The following INTS9 variants were observed in gnomAD, a reference collection of about 807,000 sequenced individuals.
The protein encoded by INTS9 is integrator complex subunit 9.
A neutral mutation model predicts 79.7 loss-of-function variants in INTS9; 55 were observed. The ratio of observed to expected loss-of-function variants is 0.69; its 90% CI spans 0.56 to 0.86. The LOEUF (loss-of-function observed/expected upper bound fraction) is 0.86. INTS9 is among the 40% of genes least tolerant of loss of function. INTS9 has a pLI of 0.00. For missense variants in INTS9, 721 were observed against 831.5 expected (o/e 0.87, Z 1.64); for synonymous variants, 319 against 325.2 (o/e 0.98, Z 0.20).
intron 6 of INTS9, among the ~76,000 whole-genome samples, chr8:28,820,114 A>G (rs1445147737): frequency 6.6e-6 from 1 of 152,170 alleles, no homozygotes; most frequent in Non-Finnish European, 1.5e-5. Context: ...CCAATTTGCC[A>G]GTCTGTGTCT....
chr8:28,888,239 T>C (rs952479171), intron 1 of INTS9, among the ~76,000 whole-genome samples: 1 of 152,150 alleles, frequency 6.6e-6, no homozygotes, highest in African/African-American at 2.4e-5. Flanking sequence ...ACGCCTCTAT[T>C]TCACCATGAA....
intron 13 of INTS9, chr8:28,776,277 CTT>C (rs1802873829): frequency 1.1e-5 from 2 of 183,908 alleles, no homozygotes; most frequent in Non-Finnish European, 2.3e-5. Context: ...ATTATAAGCT[CTT>C]GGCTGATTAC....
Position 28,819,409 on chromosome 8 carries a change from T to C in INTS9, c.489-5797A>G, listed in dbSNP as rs1183748432. 3.9e-5 allele frequency among the ~76,000 whole-genome samples: 6 copies of C among 152,344 alleles called. No individual in the cohort carries two copies. The South Asian group carries it at 6.2e-4, about 16-fold the overall frequency. On this transcript the variant is annotated intron_variant, in intron 6 of 16. Transcript: ENST00000521022. ...TTATTTCTGCCTTCATTTCATTATG[T>C]ACCCAGTAGTCATTCAGGAGCAGGT...
chr8:28,834,667 C>A (rs1026080830), intron 6 of INTS9, among the ~76,000 whole-genome samples: 1 of 147,040 alleles, frequency 6.8e-6, no homozygotes, highest in Non-Finnish European at 1.5e-5. Context: ...GCACTGGGGG[C>A]AAACATCTGT....
At chr8:28,867,317 G>A (rs991708732) in intron 1 of INTS9, among the ~76,000 whole-genome samples, 4 of 152,132 alleles carry the variant, frequency 2.6e-5, no homozygotes, top group African/African-American at 9.7e-5. Context: ...TACTTGGGAA[G>A]CTGAGGCAGG....
chr8:28,834,654 AC>A (rs1206969274), intron 6 of INTS9, among the ~76,000 whole-genome samples: 1 of 150,214 alleles, frequency 6.7e-6, no homozygotes, highest in Non-Finnish European at 1.5e-5. Context: ...CTGAGTGCCT[AC>A]AGCACTGGGG....
chr8:28,768,012 C>T lies in INTS9; in HGVS notation c.*134G>A, dbSNP rs1563233570. ...AGTCCAGACCATTTCCCTCAAGAGC[C>T]ACCTCTTCACTCCTTAAGCCAGAGG... is the stretch of plus-strand genomic sequence containing the variant. On this transcript the variant is annotated 3_prime_UTR_variant, in exon 17 of 17. Coordinates refer to ENST00000521022, the MANE Select transcript of INTS9 (RefSeq NM_018250.4). 5.1e-6 allele frequency: 4 copies of T among 781,408 alleles called. No individual in the cohort carries two copies. The highest frequency in any genetic ancestry group is 8.6e-6 in the Non-Finnish European group (4 of 465,586). 48.4% of individuals were successfully genotyped at this position (781,408 alleles called of 1,614,324 possible). A position where few individuals can be genotyped will look rare whatever the true frequency, so the allele number is the denominator to read the frequency against.
chr8:28,884,491 T>G (rs1486973404), intron 1 of INTS9, among the ~76,000 whole-genome samples: 1 of 152,118 alleles, frequency 6.6e-6, no homozygotes, highest in Non-Finnish European at 1.5e-5. Flanking sequence ...GCCCGATATA[T>G]TTTTTTGCCT....
At chr8:28,854,821 T>A (rs1442630774) in intron 2 of INTS9, among the ~76,000 whole-genome samples, 1 of 152,180 alleles carries the variant, frequency 6.6e-6, no homozygotes, top group Non-Finnish European at 1.5e-5. Flanking sequence ...AAGGGGAAAC[T>A]GAGGGCAGGG....
chr8:28,819,590 G>A (rs551658216), intron 6 of INTS9, among the ~76,000 whole-genome samples: 59 of 152,244 alleles, frequency 3.9e-4, no homozygotes, highest in African/African-American at 1.2e-3. Flanking sequence ...GTCAATTTTC[G>A]AATAGGTGTG....
At chr8:28,864,222 A>T (rs1052999414) in intron 1 of INTS9, among the ~76,000 whole-genome samples, 4 of 152,228 alleles carry the variant, frequency 2.6e-5, no homozygotes, top group African/African-American at 9.7e-5. Flanking sequence ...CACACAACAG[A>T]TGCCAGAAGA....
chr8:28,864,479 A>G (rs1355616595), intron 1 of INTS9, among the ~76,000 whole-genome samples: 1 of 152,258 alleles, frequency 6.6e-6, no homozygotes, highest in Non-Finnish European at 1.5e-5. Context: ...TTGTTAAATA[A>G]TAAGTATTTT....
Position 28,768,273 on chromosome 8 carries a change from A to G in INTS9, c.1850T>C (p.Val617Ala). 1 of 1,614,090 alleles carries G rather than the reference A, an allele frequency of 6.2e-7. No individual in the cohort carries two copies. The highest frequency in any genetic ancestry group is 1.1e-5 in the South Asian group (1 of 91,082). The change falls in exon 17 of 17, where the codon GTC becomes GCC. Residue 617 changes from valine (V) to alanine (A), a missense_variant. Physicochemically the swap from Val to Ala is moderately conservative, Grantham distance 64 (BLOSUM62 0). Transcript: ENST00000521022. ...KVEDTAKGHI[V>A]LLQEAETLIQ... is the part of the protein sequence containing the mutation. ...GAGCGTCTCAGCCTCCTGGAGCAGG[A>G]CGATATGGCCCTTGGCTGTGTCCTC...
intron 10 of INTS9, among the ~76,000 whole-genome samples, chr8:28,788,407 TTC>T (rs949384817): frequency 1.3e-5 from 2 of 152,200 alleles, no homozygotes; most frequent in African/African-American, 4.8e-5. Flanking sequence ...GAGACATGGC[TTC>T]TGTTTTTGTC....
chr8:28,835,667 C>T (rs7841303), intron 5 of INTS9, among the ~76,000 whole-genome samples: 78,331 of 151,988 alleles, frequency 0.52, 22,470 homozygotes, highest in Non-Finnish European at 0.65. Flanking sequence ...ATCCACAAGC[C>T]TGTTTTAACT....
At chr8:28,869,423 A>G (rs1412718121) in intron 1 of INTS9, among the ~76,000 whole-genome samples, 1 of 152,168 alleles carries the variant, frequency 6.6e-6, no homozygotes, top group Non-Finnish European at 1.5e-5. Context: ...ACATCCAAGT[A>G]TAAACATTCG....
intron 6 of INTS9, among the ~76,000 whole-genome samples, chr8:28,833,175 C>T (rs1806599438): frequency 6.6e-6 from 1 of 152,100 alleles, no homozygotes; most frequent in African/African-American, 2.4e-5. Flanking sequence ...TATTTATATT[C>T]TAATCAAAAG....
intron 8 of INTS9, among the ~76,000 whole-genome samples, chr8:28,806,745 GAAAC>G (rs892234748): frequency 6.6e-6 from 1 of 152,148 alleles, no homozygotes; most frequent in Non-Finnish European, 1.5e-5. Context: ...GGATGGACTA[GAAAC>G]AAACAATTAT....
At chr8:28,772,328 A>G (rs1036905902) in intron 14 of INTS9, among the ~76,000 whole-genome samples, 9 of 152,218 alleles carry the variant, frequency 5.9e-5, no homozygotes, top group African/African-American at 2.2e-4. Context: ...AGCCTGGCCA[A>G]TATGGTGAAA....
Sources: allele counts gnomAD v4.1 joint callset (sites outside exome capture counted in the v4.1 genomes callset), GRCh38; gene constraint gnomAD v4.1.1; transcripts MANE v1.5; gene names NCBI Gene and HGNC (gene_info 2026-07-23, HGNC 2026-07-21).